The following TRAK1 variants were observed in gnomAD, a reference collection of about 807,000 sequenced individuals.
TRAK1 encodes the protein trafficking kinesin protein 1.
A neutral mutation model predicts 92.1 loss-of-function variants in TRAK1; 33 were observed. That is an observed-to-expected ratio of 0.36 (90% CI 0.27 to 0.48). The LOEUF is 0.48. TRAK1 is among the 20% of genes least tolerant of loss of function. The pLI, the probability that TRAK1 is intolerant of heterozygous loss-of-function variation, is 0.99. For synonymous variants in TRAK1, 521 were observed against 517.3 expected (o/e 1.01, Z -0.10); for missense variants, 1,123 against 1,257.9 (o/e 0.89, Z 1.62).
At chr3:42,152,671 G>C (rs1171451472) in intron 2 of TRAK1, among the ~76,000 whole-genome samples, 1 of 152,188 alleles carries the variant, frequency 6.6e-6, no homozygotes, top group Non-Finnish European at 1.5e-5. Context: ...AATTATTTAG[G>C]TCAGTTTCGG....
chr3:42,189,373 C>T (rs927231622), intron 6 of TRAK1, among the ~76,000 whole-genome samples: 1 of 152,116 alleles, frequency 6.6e-6, no homozygotes, highest in Non-Finnish European at 1.5e-5. Context: ...AGTTGGAGGG[C>T]CCCTCCTTCA....
Position 42,220,472 on chromosome 3 carries a change from C to G in TRAK1, c.2066+876C>G, listed in dbSNP as rs1309198425. The G allele has an allele frequency of 5.1e-6, 5 of 985,202 alleles. No homozygotes were observed. The African/African-American group carries it at 8.7e-5, about 17-fold the overall frequency. 61.0% of individuals were successfully genotyped at this position (985,202 alleles called of 1,614,324 possible). ...GGTGGGAACAGTCAGCCAGGGAGCA[C>G]CTTAAACTATGAATAATTCTCCGCA... On this transcript the variant is annotated intron_variant, in intron 15 of 15. Coordinates refer to ENST00000327628, the MANE Select transcript of TRAK1 (RefSeq NM_001042646.3).
chr3:42,176,906 G>T lies in TRAK1; in HGVS notation c.363+16G>T, dbSNP rs373727209. ...TCTTGAGGAGGTAAGTGCTCCAGGG[G>T]AAGGCAAAAGAGTTGTTTATAATTG... On this transcript the variant is annotated intron_variant, in intron 3 of 15. Coordinates refer to ENST00000327628, the MANE Select transcript of TRAK1 (RefSeq NM_001042646.3). The T allele has an allele frequency of 6.8e-6, 11 of 1,611,406 alleles. No individual in the cohort carries two copies. Among genetic ancestry groups the T allele is most frequent in the African/African-American group, 4.0e-5 (3 of 74,872 alleles).
rs1338061772 is a variant in TRAK1 at position 42,036,494 on chromosome 3, C to G, written c.-519+22377C>G. Among the ~76,000 whole-genome samples the G allele has an allele frequency of 2.0e-5, 3 of 151,984 alleles. No homozygotes were observed. In the East Asian group the frequency reaches 5.8e-4, roughly 29 times the overall value. ...ATGGGCATGGATTTGGAAGTGGGTA[C>G]TGGCTCATTGGAGCAGGCTTTCTCT... On this transcript the variant is annotated intron_variant, in intron 1 of 16. Coordinates refer to the TRAK1 transcript ENST00000487159.
At chr3:42,110,096 A>G (rs1386195669) in intron 1 of TRAK1, among the ~76,000 whole-genome samples, 379 of 31,492 alleles carry the variant, frequency 0.012, 10 homozygotes, top group South Asian at 0.045. Flanking sequence ...AACTTAAAGT[A>G]TATATATATA....
At chr3:42,055,758 C>T (rs1328554079) in intron 1 of TRAK1, among the ~76,000 whole-genome samples, 4 of 152,158 alleles carry the variant, frequency 2.6e-5, no homozygotes, top group Admixed American at 6.5e-5. Context: ...CCACTGTGCC[C>T]GGCCATCCAC....
chr3:42,114,769 A>G (rs530458113), intron 1 of TRAK1, among the ~76,000 whole-genome samples: 17 of 151,980 alleles, frequency 1.1e-4, no homozygotes, highest in African/African-American at 1.4e-4. Context: ...CTGGAGTGCA[A>G]TCGTGCGATC....
chr3:42,134,554 G>A (rs1463834572), intron 2 of TRAK1, among the ~76,000 whole-genome samples: 1 of 147,086 alleles, frequency 6.8e-6, no homozygotes, highest in Non-Finnish European at 1.5e-5. Context: ...TGGGATTACA[G>A]GTGTTAGCCA....
intron 2 of TRAK1, among the ~76,000 whole-genome samples, chr3:42,134,955 G>A (rs1029253307): frequency 6.6e-6 from 1 of 151,870 alleles, no homozygotes. Context: ...GCTTACTGCA[G>A]CCTCGAACTC....
chr3:42,177,533 C>A (rs1258842518), intron 3 of TRAK1, among the ~76,000 whole-genome samples: 1 of 152,226 alleles, frequency 6.6e-6, no homozygotes, highest in Admixed American at 6.5e-5. Context: ...ATCATTAATG[C>A]ACTGCCCCCT....
intron 2 of TRAK1, among the ~76,000 whole-genome samples, chr3:42,166,286 A>G (rs1046059073): frequency 6.6e-6 from 1 of 152,148 alleles, no homozygotes; most frequent in Non-Finnish European, 1.5e-5. Flanking sequence ...GGATGGATGT[A>G]AACGTTAAAG....
At chr3:42,139,661 C>T (rs1404681802) in intron 2 of TRAK1, among the ~76,000 whole-genome samples, 3 of 152,122 alleles carry the variant, frequency 2.0e-5, no homozygotes, top group Non-Finnish European at 4.4e-5. Flanking sequence ...TCATCAAACC[C>T]GATTCCAATG....
intron 3 of TRAK1, among the ~76,000 whole-genome samples, chr3:42,181,314 T>C (rs1181461090): frequency 2.1e-5 from 2 of 97,348 alleles, no homozygotes; most frequent in African/African-American, 7.3e-5. Flanking sequence ...GAGGCTGAGG[T>C]GGGCAGATTA....
intron 1 of TRAK1, among the ~76,000 whole-genome samples, chr3:42,063,720 G>A (rs1221647061): frequency 5.9e-5 from 9 of 151,420 alleles, no homozygotes; most frequent in African/African-American, 2.2e-4. Context: ...GAGCCACACA[G>A]TGAAAAAAGC....
chr3:42,025,170 TG>T, intron 1 of TRAK1, among the ~76,000 whole-genome samples: 1 of 152,310 alleles, frequency 6.6e-6, no homozygotes, highest in South Asian at 2.1e-4. Flanking sequence ...CTGCTGTGCT[TG>T]GTTTCCTCCT....
At chr3:42,055,618 A>G (rs1242972370) in intron 1 of TRAK1, among the ~76,000 whole-genome samples, 2 of 152,158 alleles carry the variant, frequency 1.3e-5, no homozygotes, top group Admixed American at 6.5e-5. Flanking sequence ...GTGTGCCACC[A>G]TGCTCTGCTA....
In TRAK1 at chr3:42,202,654, C is replaced by A; in HGVS notation, c.1646C>A (p.Thr549Lys). The change falls in exon 13 of 16, where the codon ACG (threonine) becomes AAG (lysine). Residue 549 changes from threonine (T) to lysine (K), a missense_variant. By Grantham distance (78) the Thr-to-Lys change is moderately conservative (BLOSUM62 -1). Transcript: ENST00000327628. The surrounding 1 kb of genome is among the most constrained non-coding windows in gnomAD (Gnocchi z 6.1). The stretch of plus-strand genomic sequence containing the variant: ...ACTGAGAGCATCATGTCCCTGGGCA[C>A]GCACTCCCGCTTCTCCGAGTTCACC... ...TPTESIMSLGTHSRFSEFTGF... is the reference protein window; with the variant it reads ...TPTESIMSLGKHSRFSEFTGF... 6.2e-7 allele frequency: 1 copy of A among 1,613,094 alleles called. No homozygotes were observed. The highest frequency in any genetic ancestry group is 1.1e-5 in the South Asian group (1 of 90,992).
intron 1 of TRAK1, among the ~76,000 whole-genome samples, chr3:42,023,490 T>C: frequency 6.6e-6 from 1 of 152,104 alleles, no homozygotes; most frequent in East Asian, 1.9e-4. Context: ...CTTACCTCCA[T>C]GATGACTGAG....
In TRAK1 at chr3:42,196,751, T is replaced by C. The variant is rs1482293186; in HGVS notation, c.1113+1810T>C. Among the ~76,000 whole-genome samples the C allele has an allele frequency of 2.6e-5, 4 of 151,804 alleles. No homozygotes were observed. The East Asian group carries it at 7.8e-4, about 29-fold the overall frequency. On this transcript the variant is annotated intron_variant, in intron 10 of 15. Coordinates refer to ENST00000327628, the MANE Select transcript of TRAK1 (RefSeq NM_001042646.3). ...TTAGTAGAGATGGGGTTTCACCATG[T>C]TGGCCAAGCTGGTCTCGAATTCCTT...
Sources: allele counts gnomAD v4.1 joint callset (sites outside exome capture counted in the v4.1 genomes callset), GRCh38; gene constraint gnomAD v4.1.1; non-coding constraint Gnocchi (gnomAD v3.1); transcripts MANE v1.5; gene names NCBI Gene and HGNC (gene_info 2026-07-23, HGNC 2026-07-21).